ADAMTS12: variants seen among roughly 807,000 people sequenced by gnomAD.
ADAMTS12 encodes the protein A disintegrin and metalloproteinase with thrombospondin motifs 12.
Under a neutral mutation model 167.8 loss-of-function variants are expected in ADAMTS12, and 118 were observed. That is an observed-to-expected ratio of 0.70 (90% CI 0.61 to 0.82). The LOEUF is 0.82. Ranked by LOEUF, ADAMTS12 falls within the 40% of genes least tolerant of loss-of-function variation. ADAMTS12 has a pLI of 0.00. For missense variants in ADAMTS12, 1,916 were observed against 1,998.8 expected (o/e 0.96, Z 0.79); for synonymous variants, 704 against 716.9 (o/e 0.98, Z 0.29).
At chr5:33,826,004 A>C (rs1167075932) in intron 2 of ADAMTS12, among the ~76,000 whole-genome samples, 1 of 152,200 alleles carries the variant, frequency 6.6e-6, no homozygotes, top group East Asian at 1.9e-4. Flanking sequence ...CTACCTTGCC[A>C]TAGTTGAACA....
At chr5:33,759,069 C>G (rs953051724) in intron 2 of ADAMTS12, among the ~76,000 whole-genome samples, 1 of 152,072 alleles carries the variant, frequency 6.6e-6, no homozygotes, top group Admixed American at 6.5e-5. Context: ...TCTCTTTTTT[C>G]CTTTTTGATA....
chr5:33,675,167 A>G (rs1741856333), intron 5 of ADAMTS12, among the ~76,000 whole-genome samples: 1 of 152,196 alleles, frequency 6.6e-6, no homozygotes, highest in South Asian at 2.1e-4. Flanking sequence ...AGTCTGTGAT[A>G]TTCTGTTATA....
intron 20 of ADAMTS12, among the ~76,000 whole-genome samples, chr5:33,554,938 G>T (rs756454219): frequency 2.0e-5 from 3 of 152,074 alleles, no homozygotes; most frequent in Non-Finnish European, 4.4e-5. Flanking sequence ...AAAAGGCAAC[G>T]TTGCCTATGT....
At chr5:33,565,865 C>T (rs533950834) in intron 19 of ADAMTS12, among the ~76,000 whole-genome samples, 7 of 152,188 alleles carry the variant, frequency 4.6e-5, no homozygotes, top group African/African-American at 1.2e-4. Context: ...GCTTAATTTG[C>T]GTGGATATAG....
chr5:33,821,750 C>G (rs552475550), intron 2 of ADAMTS12, among the ~76,000 whole-genome samples: 5 of 152,146 alleles, frequency 3.3e-5, no homozygotes, highest in Non-Finnish European at 7.4e-5. Context: ...TTATCAAATA[C>G]ATGAAGCTAC....
At chr5:33,657,717 A>T (rs1233671795) in intron 7 of ADAMTS12, among the ~76,000 whole-genome samples, 7 of 152,162 alleles carry the variant, frequency 4.6e-5, no homozygotes, top group Non-Finnish European at 8.8e-5. Flanking sequence ...GTAAAACGGG[A>T]CTAACAGTAC....
chr5:33,810,940 G>T (rs1266403954), intron 2 of ADAMTS12, among the ~76,000 whole-genome samples: 1 of 152,166 alleles, frequency 6.6e-6, no homozygotes, highest in African/African-American at 2.4e-5. Flanking sequence ...CCACCTCTTT[G>T]CTGGGTTCTC....
chr5:33,795,835 T>C (rs143314624), intron 2 of ADAMTS12, among the ~76,000 whole-genome samples: 41 of 152,308 alleles, frequency 2.7e-4, no homozygotes, highest in African/African-American at 9.6e-4. Context: ...CACAATTAAA[T>C]GCTGGCCTAA....
intron 18 of ADAMTS12, among the ~76,000 whole-genome samples, chr5:33,581,272 C>T (rs1053469509): frequency 2.0e-5 from 3 of 152,174 alleles, no homozygotes; most frequent in African/African-American, 4.8e-5. Context: ...TTATCGTATG[C>T]CCTTTCCTTG....
At position 33,778,387 on chromosome 5, in the gene ADAMTS12, C is replaced by T. The variant is rs79227606; in HGVS notation, c.490-26839G>A. The stretch of plus-strand genomic sequence containing the variant: ...ACCCACACATTTATGGTCCATTGAT[C>T]TTCAACAAAGATGCCAAGAATGCAT... On this transcript the variant is annotated intron_variant, in intron 2 of 23. Transcript: ENST00000504830. 7.9e-3 allele frequency among the ~76,000 whole-genome samples: 1,199 copies of T among 152,248 alleles called. 17 individuals carry two copies. The highest frequency in any genetic ancestry group is 0.028 in the African/African-American group (1,149 of 41,548).
intron 2 of ADAMTS12, among the ~76,000 whole-genome samples, chr5:33,827,710 AATAGATAGATAG>A (rs60023282): frequency 0.052 from 5,109 of 99,056 alleles, 116 homozygotes; most frequent in Non-Finnish European, 0.071. Context: ...GAGAAAACAA[AATAGATAGATAG>A]ATAGATAGAT....
chr5:33,885,561 G>C (rs1288163651), intron 1 of ADAMTS12, among the ~76,000 whole-genome samples: 1 of 152,242 alleles, frequency 6.6e-6, no homozygotes, highest in Non-Finnish European at 1.5e-5. Context: ...TTGAATGGGA[G>C]AGTGCTGTGC....
intron 23 of ADAMTS12, among the ~76,000 whole-genome samples, chr5:33,528,874 G>GT (rs2111721877): frequency 1.3e-5 from 2 of 152,158 alleles, no homozygotes; most frequent in South Asian, 4.2e-4. Flanking sequence ...GTGAAACCCC[G>GT]TCTCTACTAA....
At chr5:33,879,058 T>G (rs1422593052) in intron 2 of ADAMTS12, among the ~76,000 whole-genome samples, 1 of 152,124 alleles carries the variant, frequency 6.6e-6, no homozygotes, top group Non-Finnish European at 1.5e-5. Context: ...GGATATAGGT[T>G]TCTTTGTGGG....
At chr5:33,803,456 T>C (rs1939093651) in intron 2 of ADAMTS12, among the ~76,000 whole-genome samples, 1 of 152,184 alleles carries the variant, frequency 6.6e-6, no homozygotes, top group African/African-American at 2.4e-5. Flanking sequence ...GCCTGAACCA[T>C]TCTGGTTGTG....
rs1742226131 is a variant in ADAMTS12, at chr5:33,683,960, T to G, written c.730A>C (p.Lys244Gln). The G allele has an allele frequency of 6.2e-7, 1 of 1,612,842 alleles. No individual in the cohort carries two copies. The highest frequency in any genetic ancestry group is 8.5e-7 in the Non-Finnish European group (1 of 1,179,574). ...ACCAGTGTCTCCACCCATCTCTCCT[T>G]GCTGATGGAACGCCGAGAGAGGCTT... ...SRSLSRRSIS[K>Q]ERWVETLVVA... The change falls in exon 4 of 24, where the codon AAG (lysine) becomes CAG (glutamine). Residue 244 changes from lysine to glutamine, a missense_variant. Lys to Gln is a moderately conservative substitution (Grantham distance 53, BLOSUM62 1). Coordinates refer to ENST00000504830, the MANE Select transcript of ADAMTS12 (RefSeq NM_030955.4).
intron 14 of ADAMTS12, among the ~76,000 whole-genome samples, chr5:33,623,401 C>A (rs1457091039): frequency 6.6e-6 from 1 of 152,180 alleles, no homozygotes; most frequent in Non-Finnish European, 1.5e-5. Flanking sequence ...AATTCCTTCA[C>A]CCCTCAGGTC....
chr5:33,670,167 T>G (rs982954171), intron 5 of ADAMTS12, among the ~76,000 whole-genome samples: 2 of 124,902 alleles, frequency 1.6e-5, no homozygotes, highest in South Asian at 5.4e-4. Flanking sequence ...TAAAAAAAAA[T>G]AAGAAAATAG....
chr5:33,666,369 TG>T (rs1741466081), intron 5 of ADAMTS12, among the ~76,000 whole-genome samples: 1 of 152,234 alleles, frequency 6.6e-6, no homozygotes, highest in Non-Finnish European at 1.5e-5. Context: ...AACCCCCGTA[TG>T]GCCTGTGTTC....
Sources: gnomAD v4.1 joint callset for allele counts (sites outside exome capture counted in the v4.1 genomes callset) on GRCh38, gnomAD v4.1.1 for gene constraint, MANE v1.5 for transcripts, NCBI Gene and HGNC (gene_info 2026-07-23, HGNC 2026-07-21) for gene names.